Variants in BTBD16 observed in about 807,000 individuals in gnomAD.
The protein encoded by BTBD16 is BTB/POZ domain-containing protein 16.
A neutral mutation model predicts 67.4 loss-of-function variants in BTBD16; 66 were observed. The ratio of observed to expected loss-of-function variants is 0.98; its 90% confidence interval spans 0.80 to 1.20. The LOEUF is 1.20. Among genes scored for constraint, BTBD16 ranks in the 50% most tolerant of loss-of-function variants. The probability of loss-of-function intolerance (pLI) is 0.00; values close to 1 mark genes in which losing one functional copy is unlikely to be tolerated. For synonymous variants in BTBD16, 242 were observed against 236.4 expected, an observed-to-expected ratio of 1.02 and a Z score of -0.22; for missense variants, 634 against 616.0, an observed-to-expected ratio of 1.03 and a Z score of -0.31.
At chr10:122,294,322 C>A (rs2096379290) in intron 7 of BTBD16, among the ~76,000 whole-genome samples, 1 of 152,222 alleles carries the variant, frequency 6.6e-6, no homozygotes, top group Non-Finnish European at 1.5e-5. Flanking sequence ...CAGGTTATCT[C>A]AGCTGAGCTC....
In BTBD16 at chr10:122,295,423, G is replaced by A. The variant is rs1220070428; in HGVS notation, c.591-2345G>A. On this transcript the variant is annotated intron_variant, in intron 7 of 15. Transcript: ENST00000260723. ...ATGAGCCCAGGTTATGCAGGATCTT[G>A]TAGCCACATGAGCAGGTCTTGGTTC... is the stretch of plus-strand genomic sequence containing the variant. 1.2e-5 allele frequency: 12 copies of A among 985,434 alleles called. No individual in the cohort carries two copies. The African/African-American group carries it at 2.1e-4, about 17-fold the overall frequency. 61.0% of individuals were successfully genotyped at this position (985,434 alleles called of 1,614,324 possible). A position where few individuals can be genotyped will look rare whatever the true frequency, so the allele number is the denominator to read the frequency against.
intron 7 of BTBD16, among the ~76,000 whole-genome samples, chr10:122,292,853 C>T (rs1366548287): frequency 6.6e-6 from 1 of 152,198 alleles, no homozygotes; most frequent in Admixed American, 6.5e-5. Context: ...TAAGTTCAAG[C>T]AAAATTAGTA....
chr10:122,333,149 C>G (rs2096457886), intron 13 of BTBD16, among the ~76,000 whole-genome samples: 1 of 152,142 alleles, frequency 6.6e-6, no homozygotes, highest in Non-Finnish European at 1.5e-5. Flanking sequence ...ATTCACGTTT[C>G]AAGAACTAGG....
intron 10 of BTBD16, among the ~76,000 whole-genome samples, chr10:122,319,481 T>C (rs1157427228): frequency 6.6e-6 from 1 of 152,112 alleles, no homozygotes. Context: ...TTGAAAAGAG[T>C]ATTCTATTTC....
At chr10:122,332,539 G>C in intron 13 of BTBD16, 26 bp downstream of exon 13, 1 of 1,596,722 alleles carries the variant, frequency 6.3e-7, no homozygotes, top group Non-Finnish European at 8.6e-7. Context: ...CCCGAACAAG[G>C]GGAAGAACTG....
At chr10:122,327,370 G>A (rs1168873737) in intron 10 of BTBD16, 1 of 152,574 alleles carries the variant, frequency 6.6e-6, no homozygotes, top group Admixed American at 6.5e-5. Context: ...CAATGGTGGT[G>A]CTTATAGATG....
At chr10:122,272,081 A>G (rs2142035486) in intron 1 of BTBD16, among the ~76,000 whole-genome samples, 1 of 152,300 alleles carries the variant, frequency 6.6e-6, no homozygotes, top group East Asian at 1.9e-4. Flanking sequence ...TGAGGAGTTC[A>G]TCATCCTGGC....
chr10:122,331,201 C>T lies in BTBD16; in HGVS notation c.1029C>T (p.His343=). The T allele has an allele frequency of 6.2e-7, 1 of 1,613,182 alleles. No individual in the cohort carries two copies. The highest frequency in any genetic ancestry group is 8.5e-7 in the Non-Finnish European group (1 of 1,179,622). ...TKGKDLEVLR[H]LNFFPESWLD... ...GCAAGGATCTGGAGGTGCTGCGGCA[C>T]CTTAACTTCTTCCCAGAGTCATGGC... Residue 343 remains histidine (H), a synonymous_variant, in exon 12 of 16, where the codon CAC becomes CAT. Transcript: ENST00000260723.
rs1196008298 is a variant in BTBD16, at chr10:122,335,044, G to C, written c.1263+65G>C. The C allele has an allele frequency of 3.9e-6, 3 of 774,402 alleles. No homozygotes were observed. The African/African-American group carries it at 5.4e-5, about 14-fold the overall frequency. The allele number at this position is 774,402 out of a possible 1,614,324, so 48.0% of individuals were successfully genotyped here. On this transcript the variant is annotated intron_variant, in intron 14 of 15. Coordinates refer to ENST00000260723, the MANE Select transcript of BTBD16 (RefSeq NM_144587.5). ...TCTTTTAGAGTTAGAGTCAATTCAT[G>C]TTGAATTAATAATAATTGATTCATC...
intron 10 of BTBD16, among the ~76,000 whole-genome samples, chr10:122,325,671 G>A (rs1048123791): frequency 6.6e-6 from 1 of 151,986 alleles, no homozygotes; most frequent in Non-Finnish European, 1.5e-5. Context: ...TGTATATATA[G>A]ATAGATAGAT....
intron 2 of BTBD16, among the ~76,000 whole-genome samples, chr10:122,276,203 C>T (rs1028588764): frequency 2.2e-4 from 33 of 152,256 alleles, no homozygotes; most frequent in African/African-American, 6.5e-4. Flanking sequence ...GTGGTTGTCC[C>T]GGGCTGGGGA....
chr10:122,326,392 A>G (rs951453267), intron 10 of BTBD16, among the ~76,000 whole-genome samples: 2 of 152,132 alleles, frequency 1.3e-5, no homozygotes, highest in Admixed American at 6.5e-5. Context: ...GTCTCTACGA[A>G]TTTGATGACT....
intron 1 of BTBD16, among the ~76,000 whole-genome samples, chr10:122,273,939 G>A (rs1171533983): frequency 6.6e-6 from 1 of 152,222 alleles, no homozygotes; most frequent in Non-Finnish European, 1.5e-5. Flanking sequence ...AGGATCGTGT[G>A]CATTTTGCTC....
intron 15 of BTBD16, 55 bp from the exon 16 acceptor site, chr10:122,337,962 G>A: frequency 2.1e-6 from 3 of 1,442,122 alleles, no homozygotes; most frequent in East Asian, 2.3e-5. Context: ...CCTTCTGGGG[G>A]GCAATTGTGT....
intron 5 of BTBD16, chr10:122,287,497 G>A (rs960438722): frequency 1.2e-5 from 12 of 985,170 alleles, no homozygotes; most frequent in Non-Finnish European, 1.4e-5. Flanking sequence ...AAGAGGGAAG[G>A]TGCAGAGATG....
chr10:122,322,857 C>T (rs555366180), intron 10 of BTBD16, among the ~76,000 whole-genome samples: 1 of 152,326 alleles, frequency 6.6e-6, no homozygotes, highest in South Asian at 2.1e-4. Flanking sequence ...GATTCAGATG[C>T]TCAGTCTCTG....
intron 4 of BTBD16, among the ~76,000 whole-genome samples, chr10:122,285,647 G>T (rs1231955456): frequency 6.6e-6 from 1 of 152,130 alleles, no homozygotes; most frequent in Non-Finnish European, 1.5e-5. Context: ...TGCTACTGGG[G>T]ATCCACAGTG....
chr10:122,329,126 TTG>T, intron 10 of BTBD16, among the ~76,000 whole-genome samples: 1 of 152,100 alleles, frequency 6.6e-6, no homozygotes, highest in Non-Finnish European at 1.5e-5. Flanking sequence ...CACAAGAAGT[TTG>T]TGAGACTCAA....
intron 7 of BTBD16, among the ~76,000 whole-genome samples, chr10:122,292,855 A>AT (rs1413266941): frequency 6.6e-6 from 1 of 152,228 alleles, no homozygotes; most frequent in East Asian, 1.9e-4. Flanking sequence ...AGTTCAAGCA[A>AT]AATTAGTATC....
Sources: gnomAD v4.1 joint callset for allele counts (sites outside exome capture counted in the v4.1 genomes callset) on GRCh38, gnomAD v4.1.1 for gene constraint, MANE v1.5 for transcripts, NCBI Gene and HGNC (gene_info 2026-07-23, HGNC 2026-07-21) for gene names.